Variants in NRF1 observed in about 807,000 individuals in gnomAD.
The protein encoded by NRF1 is alpha palindromic-binding protein.
A neutral mutation model predicts 58.5 loss-of-function variants in NRF1; 5 were observed. The ratio of observed to expected loss-of-function variants is 0.09; its 90% confidence interval spans 0.04 to 0.18. NRF1 has a LOEUF of 0.18. NRF1 is among the 10% of genes least tolerant of loss of function. The pLI is 1.00. For missense variants in NRF1, 288 were observed against 657.7 expected, an observed-to-expected ratio of 0.44 and a Z score of 6.15; for synonymous variants, 224 against 246.7, an observed-to-expected ratio of 0.91 and a Z score of 0.86.
At position 129,645,465 on chromosome 7, in the gene NRF1, A is replaced by G. The variant is rs554207720; in HGVS notation, c.-6-11881A>G. ...TTGTATAATAAGAAAAAAGAATGGT[A>G]ACTCTAAATCGCTCTTTCCCATGCT... is the stretch of plus-strand genomic sequence containing the variant. On this transcript the variant is annotated intron_variant, in intron 1 of 10. Coordinates refer to ENST00000393232, the MANE Select transcript of NRF1 (RefSeq NM_005011.5). Among the ~76,000 whole-genome samples, 4 of 152,286 alleles carry G rather than the reference A, an allele frequency of 2.6e-5. No individual in the cohort carries two copies. In the East Asian group the frequency reaches 7.7e-4, roughly 29 times the overall value.
Position 129,676,286 on chromosome 7 carries a change from G to A in NRF1, c.339-1346G>A, listed in dbSNP as rs561764388. Among the ~76,000 whole-genome samples, 9 of 152,314 alleles carry A rather than the reference G, an allele frequency of 5.9e-5. No individual in the cohort carries two copies. In the East Asian group the frequency reaches 1.2e-3, roughly 20 times the overall value. ...AAGGACTTTTCTTTGCATTAACAAC[G>A]TGGCCAACTGTTTGGCATAAGCGGC... On this transcript the variant is annotated intron_variant, in intron 3 of 10. Transcript: ENST00000393232.
chr7:129,693,604 G>A (rs1255798983), intron 5 of NRF1, among the ~76,000 whole-genome samples: 1 of 151,988 alleles, frequency 6.6e-6, no homozygotes, highest in South Asian at 2.1e-4. Flanking sequence ...TGTGGCCCAA[G>A]ATAATTCTTC....
intron 1 of NRF1, among the ~76,000 whole-genome samples, chr7:129,624,735 A>G (rs1218233222): frequency 6.6e-6 from 1 of 152,124 alleles, no homozygotes; most frequent in Non-Finnish European, 1.5e-5. Context: ...GGCTGCTCTC[A>G]GACTCCTGTG....
At chr7:129,641,574 T>C (rs1242792938) in intron 1 of NRF1, among the ~76,000 whole-genome samples, 1 of 152,270 alleles carries the variant, frequency 6.6e-6, no homozygotes, top group East Asian at 1.9e-4. Flanking sequence ...CTGCCTGCTG[T>C]GAACATATGC....
intron 1 of NRF1, among the ~76,000 whole-genome samples, chr7:129,645,171 C>T (rs985075003): frequency 2.6e-5 from 4 of 152,122 alleles, no homozygotes; most frequent in African/African-American, 7.2e-5. Context: ...CCCCTTAAGC[C>T]CTTTTTCAAA....
At chr7:129,639,545 CTTTTT>C (rs11325662) in intron 1 of NRF1, among the ~76,000 whole-genome samples, 1 of 123,902 alleles carries the variant, frequency 8.1e-6, no homozygotes, top group Non-Finnish European at 1.7e-5. Context: ...CCCCACAACC[CTTTTT>C]TTTTTTTTTT....
Position 129,720,758 on chromosome 7 carries a change from T to G in NRF1, c.1223+3382T>G, listed in dbSNP as rs10243271. ...CAACCACGCTGTTAAGAGAATTTCA[T>G]ACTGCAAGTCACAAGGGCCCAGGGC... On this transcript the variant is annotated intron_variant, in intron 9 of 10. Transcript: ENST00000393232. 9.6e-3 allele frequency among the ~76,000 whole-genome samples: 1,466 copies of G among 152,256 alleles called. 27 individuals are homozygous for G. The highest frequency in any genetic ancestry group is 0.033 in the African/African-American group (1,390 of 41,542).
intron 10 of NRF1, among the ~76,000 whole-genome samples, chr7:129,735,869 G>T (rs1028753564): frequency 6.6e-6 from 1 of 151,404 alleles, no homozygotes; most frequent in Non-Finnish European, 1.5e-5. Flanking sequence ...TTAGCCATGC[G>T]TGGTGGCAGG....
chr7:129,675,936 G>A (rs1271541962), intron 3 of NRF1, among the ~76,000 whole-genome samples: 1 of 152,196 alleles, frequency 6.6e-6, no homozygotes, highest in Non-Finnish European at 1.5e-5. Flanking sequence ...TCCAGTAGAA[G>A]GCTGTTTTAT....
In NRF1 at chr7:129,642,867, C is replaced by T. The variant is rs1285809849; in HGVS notation, c.-6-14479C>T. On this transcript the variant is annotated intron_variant, in intron 1 of 10. Transcript: ENST00000393232. ...CTTCTGCCTCCTGGGCTCACTCCAT[C>T]CTCCCACCTTAGCCTCCCAAGTAGC... Among the ~76,000 whole-genome samples, 3 of 150,956 alleles carry T rather than the reference C, an allele frequency of 2.0e-5. No individual in the cohort carries two copies. In the East Asian group the frequency reaches 6.2e-4, roughly 31 times the overall value.
chr7:129,633,942 G>C (rs1367656060), intron 1 of NRF1, among the ~76,000 whole-genome samples: 1 of 150,420 alleles, frequency 6.6e-6, no homozygotes, highest in African/African-American at 2.4e-5. Flanking sequence ...ATTTAGATTG[G>C]TGGAGCTCCT....
intron 2 of NRF1, among the ~76,000 whole-genome samples, chr7:129,670,345 A>G (rs967620536): frequency 4.6e-5 from 7 of 152,236 alleles, no homozygotes; most frequent in Non-Finnish European, 8.8e-5. Context: ...ATTTTGAAAA[A>G]TAAGTAAAAT....
At position 129,710,477 on chromosome 7, in the gene NRF1, A is replaced by G; in HGVS notation, c.869A>G (p.Gln290Arg). 5.0e-6 allele frequency: 8 copies of G among 1,612,876 alleles called. No individual in the cohort carries two copies. The highest frequency in any genetic ancestry group is 6.8e-6 in the Non-Finnish European group (8 of 1,178,824). The stretch of plus-strand genomic sequence containing the variant: ...TTTGAAGATCAGCAAACGCAAACAC[A>G]GGCCACAGCCACACATAGTATAGCT... ...YAFEDQQTQT[Q>R]ATATHSIAHL... The change falls in exon 7 of 11, where the codon CAG becomes CGG. Residue 290 changes from glutamine to arginine, a missense_variant. Coordinates refer to ENST00000393232, the MANE Select transcript of NRF1 (RefSeq NM_005011.5).
chr7:129,720,609 G>A (rs551486554), intron 9 of NRF1, among the ~76,000 whole-genome samples: 16 of 152,302 alleles, frequency 1.1e-4, no homozygotes, highest in East Asian at 1.9e-4. Flanking sequence ...AGATGTGGGC[G>A]CAGGGTGAGA....
At chr7:129,663,215 CT>C (rs1801826525) in intron 2 of NRF1, among the ~76,000 whole-genome samples, 1 of 152,050 alleles carries the variant, frequency 6.6e-6, no homozygotes, top group Non-Finnish European at 1.5e-5. Context: ...TCCCCCTTTT[CT>C]TTTCGACAAA....
At chr7:129,678,611 G>A (rs987151874) in intron 4 of NRF1, among the ~76,000 whole-genome samples, 7 of 152,106 alleles carry the variant, frequency 4.6e-5, no homozygotes, top group African/African-American at 1.4e-4. Context: ...CCTACAATTA[G>A]GATGTGTTAG....
At chr7:129,633,518 G>A (rs1801096598) in intron 1 of NRF1, 1 of 152,140 alleles carries the variant, frequency 6.6e-6, no homozygotes, top group African/African-American at 2.4e-5. Context: ...GAGGGAGCAG[G>A]AAAAGCATGA....
intron 1 of NRF1, among the ~76,000 whole-genome samples, chr7:129,617,215 A>C (rs574901716): frequency 1.1e-4 from 17 of 152,276 alleles, no homozygotes; most frequent in Non-Finnish European, 2.2e-4. Context: ...ATATATATTA[A>C]GACAGTTTTT....
chr7:129,712,706 A>G (rs182928246), intron 8 of NRF1, among the ~76,000 whole-genome samples: 2 of 152,208 alleles, frequency 1.3e-5, no homozygotes, highest in Admixed American at 6.5e-5. Flanking sequence ...TGCAAAGCGT[A>G]TGTGCCTCCT....
Sources: allele counts gnomAD v4.1 joint callset (sites outside exome capture counted in the v4.1 genomes callset), GRCh38; gene constraint gnomAD v4.1.1; transcripts MANE v1.5; gene names NCBI Gene and HGNC (gene_info 2026-07-23, HGNC 2026-07-21).